The following TIAL1 variants were observed in gnomAD, a reference collection of about 807,000 sequenced individuals.
The protein encoded by TIAL1 is nucleolysin TIAR.
TIAL1 carries 7 observed loss-of-function variants against 59.7 expected under a neutral mutation model. The ratio of observed to expected loss-of-function variants is 0.12; its 90% CI spans 0.07 to 0.22. TIAL1 has a LOEUF of 0.22. TIAL1 is among the 10% of genes least tolerant of loss of function. TIAL1 has a pLI of 1.00. For missense variants in TIAL1, 225 were observed against 462.5 expected, an observed-to-expected ratio of 0.49 and a Z score of 4.71; for synonymous variants, 149 against 146.3, an observed-to-expected ratio of 1.02 and a Z score of -0.13.
intron 1 of TIAL1, among the ~76,000 whole-genome samples, chr10:119,594,168 G>A (rs552581443): frequency 3.9e-5 from 6 of 152,048 alleles, no homozygotes; most frequent in African/African-American, 1.4e-4. Context: ...GAGTTAAGAT[G>A]TTTATTTATT....
rs936354350 is a variant in TIAL1 at position 119,582,675 on chromosome 10, C to T, written c.130-118G>A. Reference sequence around the variant, plus strand: ...AATATACAAGGTGAGACTGCATAAGCTTATGAAAGCCTAACACTTTTTAAA... The same window carrying T: ...AATATACAAGGTGAGACTGCATAAGTTTATGAAAGCCTAACACTTTTTAAA... On this transcript the variant is annotated intron_variant, in intron 2 of 11. Transcript: ENST00000436547. This position sits in a 1 kb window ranked among gnomAD's most constrained non-coding sequence, Gnocchi z 5.1. The T allele has an allele frequency of 2.0e-5, 29 of 1,453,154 alleles. No homozygotes were observed. The African/African-American group carries it at 4.2e-4, about 21-fold the overall frequency. The allele number at this position is 1,453,154 out of a possible 1,614,324, so 90.0% of individuals were successfully genotyped here.
chr10:119,582,119 C>A lies in TIAL1; in HGVS notation c.283+50G>T. 1 of 1,598,746 alleles carries A rather than the reference C, an allele frequency of 6.3e-7. No individual in the cohort carries two copies. The highest frequency in any genetic ancestry group is 2.2e-5 in the East Asian group (1 of 44,752). On this transcript the variant is annotated intron_variant, in intron 4 of 11. Coordinates refer to ENST00000436547, the MANE Select transcript of TIAL1 (RefSeq NM_003252.4). The surrounding 1 kb of genome is among the most constrained non-coding windows in gnomAD (Gnocchi z 5.1). ...AACCTATTTAAGCTGGTAATGCCTC[C>A]TGGATAATTTCAGAACTCTTCCACA...
chr10:119,594,944 G>A (rs1846083233), intron 1 of TIAL1, among the ~76,000 whole-genome samples: 1 of 152,136 alleles, frequency 6.6e-6, no homozygotes, highest in South Asian at 2.1e-4. Context: ...TTTCAAGTGT[G>A]TCCCAATTCT....
chr10:119,591,706 A>G (rs908800122), intron 1 of TIAL1, among the ~76,000 whole-genome samples: 1 of 152,202 alleles, frequency 6.6e-6, no homozygotes, highest in Non-Finnish European at 1.5e-5. Context: ...TTAATTTACC[A>G]GGATTAAAAG....
intron 1 of TIAL1, among the ~76,000 whole-genome samples, chr10:119,595,315 A>T (rs1430231299): frequency 6.6e-6 from 1 of 152,122 alleles, no homozygotes; most frequent in Admixed American, 6.6e-5. Flanking sequence ...CAATACCAGG[A>T]GAGGCAAGAG....
chr10:119,581,174 A>T (rs1845288652), intron 5 of TIAL1, among the ~76,000 whole-genome samples: 1 of 152,072 alleles, frequency 6.6e-6, no homozygotes, highest in Non-Finnish European at 1.5e-5. Context: ...AAATAAACTG[A>T]TTTTAATCAG....
chr10:119,580,989 TTTAGA>T (rs1170955718), intron 5 of TIAL1: 1 of 213,618 alleles, frequency 4.7e-6, no homozygotes, highest in Non-Finnish European at 8.4e-6. Context: ...ACTTACCACA[TTTAGA>T]TTAAAAAGCA....
intron 1 of TIAL1, chr10:119,593,571 T>C (rs902173658): frequency 1.2e-6 from 1 of 823,336 alleles, no homozygotes; most frequent in African/African-American, 1.9e-5. Context: ...CAATTTAAGA[T>C]AAGCTTTGTT....
intron 1 of TIAL1, among the ~76,000 whole-genome samples, chr10:119,588,811 T>C (rs543047219): frequency 1.3e-5 from 2 of 152,338 alleles, no homozygotes; most frequent in South Asian, 2.1e-4. Flanking sequence ...TGATCTTGTA[T>C]ACCCCAATGG....
chr10:119,586,633 C>G lies in TIAL1; in HGVS notation c.129+1519G>C, dbSNP rs1230450068. ...CACAGCAATCAGAGTAAAACCTAAACTATGTCATGGACCATAATGTCCTGT... is the reference window on the plus strand; with the variant it reads ...CACAGCAATCAGAGTAAAACCTAAAGTATGTCATGGACCATAATGTCCTGT... On this transcript the variant is annotated intron_variant, in intron 2 of 11. Coordinates refer to ENST00000436547, the MANE Select transcript of TIAL1 (RefSeq NM_003252.4). 3.9e-5 allele frequency among the ~76,000 whole-genome samples: 6 copies of G among 152,212 alleles called. No individual in the cohort carries two copies. The East Asian group carries it at 1.2e-3, about 29-fold the overall frequency.
Position 119,575,611 on chromosome 10 carries a change from G to A in TIAL1, c.*54C>T. ...ATGTCTACTTTCATGTCTTCAGAGTGTCACAGGAAATCGAAGCCTATCATG... is the reference window on the plus strand; with the variant it reads ...ATGTCTACTTTCATGTCTTCAGAGTATCACAGGAAATCGAAGCCTATCATG... On this transcript the variant is annotated 3_prime_UTR_variant, in exon 12 of 12. Transcript: ENST00000436547. 1.2e-6 allele frequency: 2 copies of A among 1,601,890 alleles called. No homozygotes were observed. The highest frequency in any genetic ancestry group is 1.1e-5 in the South Asian group (1 of 90,544).
chr10:119,577,804 T>A, intron 7 of TIAL1, 68 bp from the exon 8 acceptor site: 1 of 1,357,140 alleles, frequency 7.4e-7, no homozygotes, highest in Non-Finnish European at 1.1e-6. Flanking sequence ...TGTTAATTAC[T>A]ATATACTATT....
chr10:119,573,617 A>G lies in TIAL1; in HGVS notation c.*2048T>C, dbSNP rs1431198684. 6.6e-6 allele frequency: 1 copy of G among 152,604 alleles called. No homozygotes were observed. Among genetic ancestry groups the G allele is most frequent in the Non-Finnish European group, 1.5e-5 (1 of 68,026 alleles). 9.5% of individuals were successfully genotyped at this position (152,604 alleles called of 1,614,324 possible). Reference sequence around the variant, plus strand: ...ACAGGCATACTAAGCATTTTTATCAATTAAAAAAAGTCTTCAGTTGTTCAA... The same window carrying G: ...ACAGGCATACTAAGCATTTTTATCAGTTAAAAAAAGTCTTCAGTTGTTCAA... On this transcript the variant is annotated 3_prime_UTR_variant, in exon 12 of 12. Coordinates refer to ENST00000436547, the MANE Select transcript of TIAL1 (RefSeq NM_003252.4).
rs1419573095 is a variant in TIAL1 at position 119,582,098 on chromosome 10, T to G, written c.283+71A>C. On this transcript the variant is annotated intron_variant, in intron 4 of 11. Transcript: ENST00000436547. The surrounding 1 kb of genome is among the most constrained non-coding windows in gnomAD (Gnocchi z 5.1). Reference sequence around the variant, plus strand: ...AACTCTAGAGGAGGAAAAAAAAACCTATTTAAGCTGGTAATGCCTCCTGGA... The same window carrying G: ...AACTCTAGAGGAGGAAAAAAAAACCGATTTAAGCTGGTAATGCCTCCTGGA... 4 of 1,591,910 alleles carry G rather than the reference T, an allele frequency of 2.5e-6. No homozygotes were observed. The highest frequency in any genetic ancestry group is 3.4e-6 in the Non-Finnish European group (4 of 1,167,480).
In TIAL1 at chr10:119,575,739, C is replaced by T; in HGVS notation, c.1054G>A (p.Gly352Arg). ...GGTATTACAGGGGGAGGAGCTTGTCCTTGGGGAGGCTGAGCACCAAATCCA... is the reference window on the plus strand; with the variant it reads ...GGTATTACAGGGGGAGGAGCTTGTCTTTGGGGAGGCTGAGCACCAAATCCA... ...MGGFGAQPPQ[G>R]QAPPPVIPPP... Residue 352 changes from glycine to arginine, a missense_variant, in exon 12 of 12, where the codon GGA (glycine) becomes AGA (arginine). This residue lies in a region of TIAL1 where 68 missense variants were observed against 71.3 expected (regional missense o/e 0.95). Transcript: ENST00000436547. The T allele has an allele frequency of 6.2e-7, 1 of 1,606,834 alleles. No homozygotes were observed. The highest frequency in any genetic ancestry group is 1.1e-5 in the South Asian group (1 of 90,414).
chr10:119,575,235 T>C lies in TIAL1; in HGVS notation c.*430A>G. 1 of 157,936 alleles carries C rather than the reference T, an allele frequency of 6.3e-6. No individual in the cohort carries two copies. Among genetic ancestry groups the C allele is most frequent in the Non-Finnish European group, 1.4e-5 (1 of 71,604 alleles). The allele number at this position is 157,936 out of a possible 1,614,324, so 9.8% of individuals were successfully genotyped here. On this transcript the variant is annotated 3_prime_UTR_variant, in exon 12 of 12. Coordinates refer to ENST00000436547, the MANE Select transcript of TIAL1 (RefSeq NM_003252.4). The stretch of plus-strand genomic sequence containing the variant: ...TCCACCTCAGGGAAGGGGAGGGGAG[T>C]ATCAGGATTCAGGATGAACTTATAT...
intron 2 of TIAL1, among the ~76,000 whole-genome samples, chr10:119,584,455 A>G (rs1845448433): frequency 2.0e-5 from 3 of 152,164 alleles, no homozygotes; most frequent in African/African-American, 4.8e-5. Context: ...TGAAAGAAAA[A>G]TAAATAGCTG....
In TIAL1 at chr10:119,574,526, A is replaced by T. The variant is rs1313894925; in HGVS notation, c.*1139T>A. The T allele has an allele frequency of 6.7e-6, 1 of 149,940 alleles. No individual in the cohort carries two copies. Among genetic ancestry groups the T allele is most frequent in the Admixed American group, 6.8e-5 (1 of 14,762 alleles). The allele number at this position is 149,940 out of a possible 1,614,324, so 9.3% of individuals were successfully genotyped here. On this transcript the variant is annotated 3_prime_UTR_variant, in exon 12 of 12. Coordinates refer to ENST00000436547, the MANE Select transcript of TIAL1 (RefSeq NM_003252.4). ...ACACTTGTACTATACAACTTATAGT[A>T]ACCTTGAAATTGGTTTACAAGGTTT...
chr10:119,579,483 A>G (rs1845199390), intron 6 of TIAL1, among the ~76,000 whole-genome samples: 1 of 152,270 alleles, frequency 6.6e-6, no homozygotes, highest in Admixed American at 6.5e-5. Context: ...GCAAAAATCA[A>G]GATGAATTGC....
Sources: allele counts gnomAD v4.1 joint callset (sites outside exome capture counted in the v4.1 genomes callset), GRCh38; gene constraint gnomAD v4.1.1; regional missense constraint gnomAD v4.1.1; non-coding constraint Gnocchi (gnomAD v3.1); transcripts MANE v1.5; gene names NCBI Gene and HGNC (gene_info 2026-07-23, HGNC 2026-07-21).